The following IGF1R variants were observed in gnomAD, a reference collection of about 807,000 sequenced individuals.
The protein encoded by IGF1R is insulin like growth factor 1 receptor.
Under a neutral mutation model 144.6 loss-of-function variants are expected in IGF1R, and 44 were observed. The ratio of observed to expected loss-of-function variants is 0.30; its 90% CI spans 0.24 to 0.39. The LOEUF is 0.39. Among genes scored for constraint, IGF1R ranks in the 10% least tolerant of loss-of-function variants. The pLI, the probability that IGF1R is intolerant of heterozygous loss-of-function variation, is 1.00. For missense variants in IGF1R, 1,355 were observed against 1,833.7 expected (o/e 0.74, Z 4.77); for synonymous variants, 795 against 722.8 (o/e 1.10, Z -1.60).
Position 98,934,943 on chromosome 15 carries a change from C to G in IGF1R, c.3076C>G (p.Pro1026Ala). The G allele has an allele frequency of 6.2e-7, 1 of 1,614,052 alleles. No homozygotes were observed. The highest frequency in any genetic ancestry group is 1.1e-5 in the South Asian group (1 of 91,078). ...GVAKGVVKDE[P>A]ETRVAIKTVN... is the part of the protein sequence containing the mutation. ...TGCCAAGGGTGTGGTGAAAGATGAA[C>G]CTGAAACCAGAGTGGCCATTAAAAC... is the stretch of plus-strand genomic sequence containing the variant. The change falls in exon 16 of 21, where the codon CCT (proline) becomes GCT (alanine). Residue 1026 changes from proline (P) to alanine (A), a missense_variant. Coordinates refer to ENST00000650285, the MANE Select transcript of IGF1R (RefSeq NM_000875.5).
chr15:98,689,869 A>G (rs924249300), intron 1 of IGF1R, among the ~76,000 whole-genome samples: 1 of 152,140 alleles, frequency 6.6e-6, no homozygotes, highest in African/African-American at 2.4e-5. Context: ...GCTCCCTCAC[A>G]CTGTCCTCAC....
At chr15:98,811,311 G>A (rs2056584583) in intron 2 of IGF1R, among the ~76,000 whole-genome samples, 1 of 150,136 alleles carries the variant, frequency 6.7e-6, no homozygotes, top group African/African-American at 2.5e-5. Flanking sequence ...ACAAGGTCAG[G>A]AGATCGAGAC....
chr15:98,787,348 A>G (rs1454587715), intron 2 of IGF1R, among the ~76,000 whole-genome samples: 1 of 152,200 alleles, frequency 6.6e-6, no homozygotes, highest in Admixed American at 6.5e-5. Context: ...AAACACCTTC[A>G]AACAAACCCA....
At chr15:98,656,214 G>A (rs900045308) in intron 1 of IGF1R, among the ~76,000 whole-genome samples, 2 of 152,182 alleles carry the variant, frequency 1.3e-5, no homozygotes, top group South Asian at 4.1e-4. Context: ...GCACACCTGT[G>A]GATGGGGCCA....
intron 2 of IGF1R, among the ~76,000 whole-genome samples, chr15:98,869,511 C>G (rs1056347515): frequency 5.3e-5 from 8 of 151,770 alleles, no homozygotes; most frequent in African/African-American, 1.9e-4. Context: ...CTCCGGCTCA[C>G]CGCAACCTCC....
At chr15:98,810,504 G>A (rs1314324702) in intron 2 of IGF1R, among the ~76,000 whole-genome samples, 1 of 151,678 alleles carries the variant, frequency 6.6e-6, no homozygotes, top group African/African-American at 2.4e-5. Flanking sequence ...TACTTAACAG[G>A]CAAGTAACTC....
At chr15:98,675,579 A>G (rs34358292) in intron 1 of IGF1R, among the ~76,000 whole-genome samples, 212 of 152,350 alleles carry the variant, frequency 1.4e-3, no homozygotes, top group Middle Eastern at 0.01. Flanking sequence ...AATATAGAAT[A>G]GCAGTCTCTT....
intron 1 of IGF1R, among the ~76,000 whole-genome samples, chr15:98,705,896 C>T (rs892741703): frequency 1.3e-5 from 2 of 152,210 alleles, no homozygotes; most frequent in African/African-American, 4.8e-5. Context: ...AATTCATTTC[C>T]TCAACTGCTC....
At chr15:98,738,026 T>G (rs935582358) in intron 2 of IGF1R, among the ~76,000 whole-genome samples, 2 of 152,230 alleles carry the variant, frequency 1.3e-5, no homozygotes, top group Admixed American at 6.5e-5. Flanking sequence ...GCAGGCTGTT[T>G]CCGCTGGGTG....
intron 2 of IGF1R, among the ~76,000 whole-genome samples, chr15:98,744,233 C>T (rs11855223): frequency 0.93 from 141,320 of 151,862 alleles, 66,049 homozygotes; most frequent in Non-Finnish European, 0.98. Context: ...ACCCAGGTGG[C>T]TCCAGCACAG....
chr15:98,749,603 G>A (rs1413217621), intron 2 of IGF1R, among the ~76,000 whole-genome samples: 1 of 152,166 alleles, frequency 6.6e-6, no homozygotes, highest in Non-Finnish European at 1.5e-5. Flanking sequence ...AATTGTTTGT[G>A]TGTTTTTGTA....
At chr15:98,665,021 A>C (rs995125175) in intron 1 of IGF1R, among the ~76,000 whole-genome samples, 2 of 144,394 alleles carry the variant, frequency 1.4e-5, no homozygotes, top group African/African-American at 5.2e-5. Flanking sequence ...GTGGTGGCGC[A>C]ATCTTGGCTC....
intron 2 of IGF1R, among the ~76,000 whole-genome samples, chr15:98,858,613 T>TTC (rs1248575644): frequency 6.6e-6 from 1 of 152,194 alleles, no homozygotes; most frequent in Non-Finnish European, 1.5e-5. Flanking sequence ...ATATAAAGGC[T>TTC]TAGAGAACTC....
intron 2 of IGF1R, among the ~76,000 whole-genome samples, chr15:98,888,438 A>AGAGAGTGTGTGTGTGTGTGTGTGTGTGT (rs1555457179): frequency 9.1e-5 from 13 of 143,454 alleles, no homozygotes; most frequent in African/African-American, 3.1e-4. Flanking sequence ...AGAGAGAGAG[A>AGAGAGTGTGTGTGTGTGTGTGTGTGTGT]GTGTGTGTGT....
intron 13 of IGF1R, among the ~76,000 whole-genome samples, chr15:98,925,863 A>G (rs956644462): frequency 6.6e-6 from 1 of 152,200 alleles, no homozygotes; most frequent in Admixed American, 6.5e-5. Context: ...AAGATATGTC[A>G]CTGCACTCCA....
intron 2 of IGF1R, among the ~76,000 whole-genome samples, chr15:98,858,898 G>A (rs1206808449): frequency 6.6e-6 from 1 of 152,180 alleles, no homozygotes; most frequent in Non-Finnish European, 1.5e-5. Flanking sequence ...GCCACATAGT[G>A]GCTCACGCTT....
chr15:98,721,059 G>A (rs1012154574), intron 2 of IGF1R, among the ~76,000 whole-genome samples: 8 of 152,042 alleles, frequency 5.3e-5, no homozygotes, highest in East Asian at 1.9e-4. Flanking sequence ...TTTGGTTTTC[G>A]GCATCTGGGT....
At chr15:98,709,569 A>G (rs916205275) in intron 2 of IGF1R, among the ~76,000 whole-genome samples, 5 of 152,236 alleles carry the variant, frequency 3.3e-5, no homozygotes, top group African/African-American at 1.2e-4. Flanking sequence ...ACAACAAAAT[A>G]TATTTTTTAA....
At position 98,780,582 on chromosome 15, in the gene IGF1R, G is replaced by T. The variant is rs1391990617; in HGVS notation, c.640+72475G>T. On this transcript the variant is annotated intron_variant, in intron 2 of 20. Transcript: ENST00000650285. ...AAAAAAAAAAAAAAAAAAAGAGAGAGAGAGTAAATAAAATTGTAAGGTGAA... is the reference window on the plus strand; with the variant it reads ...AAAAAAAAAAAAAAAAAAAGAGAGATAGAGTAAATAAAATTGTAAGGTGAA... Among the ~76,000 whole-genome samples, 4 of 68,556 alleles carry T rather than the reference G, an allele frequency of 5.8e-5. 1 individual carries two copies. Among genetic ancestry groups the T allele is most frequent in the East Asian group, 9.1e-4 (2 of 2,196 alleles). The allele number at this position is 68,556 out of a possible 152,430, so 45.0% of individuals were successfully genotyped here.
Sources: allele counts gnomAD v4.1 joint callset (sites outside exome capture counted in the v4.1 genomes callset), GRCh38; gene constraint gnomAD v4.1.1; transcripts MANE v1.5; gene names NCBI Gene and HGNC (gene_info 2026-07-23, HGNC 2026-07-21).